Variants in ARRDC5 observed in about 807,000 individuals in gnomAD.
ARRDC5 encodes the protein arrestin domain containing 5, also known as arrestin domain-containing protein 5.
Under a neutral mutation model 13.3 loss-of-function variants are expected in ARRDC5, and 12 were observed. The ratio of observed to expected loss-of-function variants is 0.90; its 90% CI spans 0.58 to 1.46. The LOEUF is 1.46. Among genes scored for constraint, ARRDC5 ranks in the 40% most tolerant of loss-of-function variants. The probability of loss-of-function intolerance (pLI) is 0.00; values close to 1 mark genes in which losing one functional copy is unlikely to be tolerated. For missense variants in ARRDC5, 406 were observed against 418.7 expected, an observed-to-expected ratio of 0.97 and a Z score of 0.26; for synonymous variants, 181 against 173.4, an observed-to-expected ratio of 1.04 and a Z score of -0.34.
chr19:4,909,369 C>A, the ARRDC5 span: 2 of 613,420 alleles, frequency 3.3e-6, no homozygotes. Flanking sequence ...TGGACAGAGG[C>A]GGGGGCGCCC....
chr19:4,894,746 GGAAGAGGAAGAA>G (rs2031655131), intron 2 of ARRDC5, among the ~76,000 whole-genome samples: 1 of 147,636 alleles, frequency 6.8e-6, no homozygotes, highest in African/African-American at 2.5e-5. Flanking sequence ...AAGAGGAAGA[GGAAGAGGAAGAA>G]GAAGAAGAAG....
the ARRDC5 span, among the ~76,000 whole-genome samples, chr19:4,909,916 G>T: frequency 4.0e-5 from 6 of 151,490 alleles, no homozygotes; most frequent in South Asian, 1.2e-3. Context: ...CGAGCCGCCG[G>T]GGAGGATGTC....
chr19:4,907,172 C>G (rs1012822923), upstream of ARRDC5, among the ~76,000 whole-genome samples: 1 of 152,170 alleles, frequency 6.6e-6, no homozygotes, highest in Non-Finnish European at 1.5e-5. Flanking sequence ...TACACTGGCT[C>G]GATCTTGGCT....
At chr19:4,893,287 C>A (rs2031580007) in intron 2 of ARRDC5, among the ~76,000 whole-genome samples, 1 of 142,396 alleles carries the variant, frequency 7.0e-6, no homozygotes, top group South Asian at 2.2e-4. Context: ...AGGAGGATCA[C>A]CTGAGGTCAG....
At chr19:4,911,262 C>T in the ARRDC5 span, among the ~76,000 whole-genome samples, 1 of 152,116 alleles carries the variant, frequency 6.6e-6, no homozygotes, top group Non-Finnish European at 1.5e-5. Flanking sequence ...GGCTGGCCCT[C>T]GAATCTATAG....
the ARRDC5 span, chr19:4,910,921 G>C: frequency 4.3e-6 from 7 of 1,613,584 alleles, no homozygotes; most frequent in Middle Eastern, 6.6e-4. Flanking sequence ...ACGGGAGGCA[G>C]ACCCACACGG....
At chr19:4,914,603 A>G in the ARRDC5 span, among the ~76,000 whole-genome samples, 1 of 151,580 alleles carries the variant, frequency 6.6e-6, no homozygotes, top group Admixed American at 6.6e-5. Context: ...GACTTTGGGC[A>G]GACGGCCCAG....
At chr19:4,896,355 TTTTTTTACACACACACACAC>T (rs1568395964) in intron 2 of ARRDC5, among the ~76,000 whole-genome samples, 4 of 104,034 alleles carry the variant, frequency 3.8e-5, no homozygotes, top group East Asian at 4.8e-4. Flanking sequence ...TATATTTTTT[TTTTTTTACACACACACACAC>T]ACACACACAC....
chr19:4,913,191 A>G, the ARRDC5 span, among the ~76,000 whole-genome samples: 3 of 150,284 alleles, frequency 2.0e-5, no homozygotes, highest in Non-Finnish European at 4.4e-5. Context: ...TGTCTGTCAC[A>G]TTTCTAAGTT....
At chr19:4,898,719 TG>T (rs2146253994) in intron 1 of ARRDC5, among the ~76,000 whole-genome samples, 1 of 144,462 alleles carries the variant, frequency 6.9e-6, no homozygotes, top group East Asian at 2.0e-4. Context: ...CTGGACCTCT[TG>T]GGCTCAAGTG....
At chr19:4,910,358 G>C in the ARRDC5 span, 2 of 151,414 alleles carry the variant, frequency 1.3e-5, no homozygotes, top group Admixed American at 1.3e-4. Context: ...CCGGCAAGGA[G>C]GGGGGGCGTG....
the ARRDC5 span, among the ~76,000 whole-genome samples, chr19:4,911,748 TTTGG>T: frequency 1.3e-5 from 2 of 152,144 alleles, no homozygotes; most frequent in Non-Finnish European, 2.9e-5. Flanking sequence ...GAGGTGCTAC[TTTGG>T]TTGGTGTTTT....
upstream of ARRDC5, chr19:4,903,192 A>C: frequency 4.2e-6 from 1 of 240,570 alleles, no homozygotes; most frequent in Non-Finnish European, 8.3e-6. Flanking sequence ...ATGCCCAGCT[A>C]ATTTTTTGGT....
the ARRDC5 span, chr19:4,910,790 C>T: frequency 2.0e-6 from 3 of 1,464,740 alleles, no homozygotes; most frequent in South Asian, 3.0e-5. Context: ...ACAGGCCGGA[C>T]AAAAGCAACC....
chr19:4,907,782 G>T (rs1361685715), upstream of ARRDC5, among the ~76,000 whole-genome samples: 1 of 135,400 alleles, frequency 7.4e-6, no homozygotes, highest in African/African-American at 2.8e-5. Flanking sequence ...GCGCGATCTT[G>T]GCTCACCACA....
At position 4,897,141 on chromosome 19, in the gene ARRDC5, G is replaced by A. The variant is rs577529793; in HGVS notation, c.254-265C>T. Among the ~76,000 whole-genome samples the A allele has an allele frequency of 1.1e-4, 17 of 152,216 alleles. No homozygotes were observed. The South Asian group carries it at 3.3e-3, about 30-fold the overall frequency. The stretch of plus-strand genomic sequence containing the variant: ...CTGGCTAATTTTTATATTTTTGACA[G>A]AGATGGGGTTCTGTCATGTTGTCCA... On this transcript the variant is annotated intron_variant, in intron 1 of 2. Transcript: ENST00000650722.
chr19:4,915,857 T>C, the ARRDC5 span, among the ~76,000 whole-genome samples: 1 of 152,202 alleles, frequency 6.6e-6, no homozygotes, highest in Non-Finnish European at 1.5e-5. Flanking sequence ...AGAATGCTGC[T>C]GTGGAATGTG....
the ARRDC5 span, chr19:4,910,798 A>G: frequency 2.0e-6 from 3 of 1,472,100 alleles, no homozygotes; most frequent in Non-Finnish European, 2.7e-6. Context: ...GACAAAAGCA[A>G]CCCCGACTCC....
At position 4,899,055 on chromosome 19, in the gene ARRDC5, ATCC is replaced by A. The variant is rs1315200371; in HGVS notation, c.254-2182_254-2180del. On this transcript the variant is annotated intron_variant, in intron 1 of 2. Coordinates refer to ENST00000650722, the MANE Select transcript of ARRDC5 (RefSeq NM_001080523.3). ...ACAGGCATGGTGGCTCACACTTGTC[ATCC>A]CAGCACTTTGGGAGGCCGAGGCGGG... Among the ~76,000 whole-genome samples the A allele has an allele frequency of 6.6e-5, 10 of 152,144 alleles. No individual in the cohort carries two copies. The East Asian group carries it at 1.4e-3, about 21-fold the overall frequency.
Sources: gnomAD v4.1 joint callset for allele counts (sites outside exome capture counted in the v4.1 genomes callset) on GRCh38, gnomAD v4.1.1 for gene constraint, MANE v1.5 for transcripts, NCBI Gene and HGNC (gene_info 2026-07-23, HGNC 2026-07-21) for gene names.